NKAIN2: variants seen among roughly 807,000 people sequenced by gnomAD.
The protein encoded by NKAIN2 is sodium/potassium transporting ATPase interacting 2, also known as sodium/potassium-transporting ATPase subunit beta-1-interacting protein 2.
NKAIN2 carries 14 observed loss-of-function variants against 32.6 expected under a neutral mutation model. That is an observed-to-expected ratio of 0.43 (90% CI 0.28 to 0.67). The LOEUF (loss-of-function observed/expected upper bound fraction) is 0.67, where lower values mean the gene tolerates loss of function less well. Ranked by LOEUF, NKAIN2 falls within the 30% of genes least tolerant of loss-of-function variation. The pLI is 0.17. For synonymous variants in NKAIN2, 80 were observed against 87.2 expected (o/e 0.92, Z 0.46); for missense variants, 198 against 258.3 (o/e 0.77, Z 1.60).
At chr6:124,285,006 G>T (rs192563085) in intron 2 of NKAIN2, among the ~76,000 whole-genome samples, 2 of 152,188 alleles carry the variant, frequency 1.3e-5, no homozygotes, top group Admixed American at 6.5e-5. Flanking sequence ...ACTTTCTCTG[G>T]CATGGGATAA....
intron 5 of NKAIN2, among the ~76,000 whole-genome samples, chr6:124,806,265 A>G (rs562095240): frequency 2.0e-4 from 30 of 152,252 alleles, no homozygotes; most frequent in Non-Finnish European, 3.7e-4. Flanking sequence ...CACAAAGGGA[A>G]GCCCATCAGA....
chr6:124,539,116 G>A (rs182562196), intron 3 of NKAIN2, among the ~76,000 whole-genome samples: 123 of 152,194 alleles, frequency 8.1e-4, no homozygotes, highest in African/African-American at 2.6e-3. Context: ...TTGACACTAA[G>A]TAGAGATTCA....
At chr6:124,263,370 A>C (rs1794337075) in intron 1 of NKAIN2, among the ~76,000 whole-genome samples, 1 of 152,210 alleles carries the variant, frequency 6.6e-6, no homozygotes. Context: ...TGAAGCAACC[A>C]CAGGGCATCC....
At chr6:124,344,760 C>T (rs1219609948) in intron 2 of NKAIN2, among the ~76,000 whole-genome samples, 1 of 152,144 alleles carries the variant, frequency 6.6e-6, no homozygotes, top group African/African-American at 2.4e-5. Flanking sequence ...TCTAGATATA[C>T]AATGATGTCA....
intron 3 of NKAIN2, among the ~76,000 whole-genome samples, chr6:124,616,463 T>G: frequency 5.8e-5 from 1 of 17,218 alleles, no homozygotes; most frequent in African/African-American, 1.4e-4. Context: ...TTTTTTTTTT[T>G]TTTTTTTTTT....
At chr6:124,419,432 C>T (rs1456016104) in intron 3 of NKAIN2, among the ~76,000 whole-genome samples, 2 of 152,062 alleles carry the variant, frequency 1.3e-5, no homozygotes, top group Non-Finnish European at 2.9e-5. Flanking sequence ...GGACTTCGTT[C>T]CTTGTAGTTT....
Position 123,903,683 on chromosome 6 carries a change from A to G in NKAIN2, c.54+99429A>G, listed in dbSNP as rs566340669. Among the ~76,000 whole-genome samples the G allele has an allele frequency of 2.0e-4, 31 of 152,302 alleles. No individual in the cohort carries two copies. The South Asian group carries it at 6.2e-3, about 31-fold the overall frequency. On this transcript the variant is annotated intron_variant, in intron 1 of 6. Coordinates refer to ENST00000368417, the MANE Select transcript of NKAIN2 (RefSeq NM_001040214.3). ...TTGTCAGGTGTACAGTAAGTTTTCA[A>G]GATAGGATTTGTAAGGTAGACCTAA...
chr6:124,492,206 T>C (rs1333950331), intron 3 of NKAIN2, among the ~76,000 whole-genome samples: 1 of 152,072 alleles, frequency 6.6e-6, no homozygotes. Context: ...TCTAAAGATA[T>C]TCGTTTGAAG....
At chr6:124,530,067 A>G (rs550749117) in intron 3 of NKAIN2, among the ~76,000 whole-genome samples, 1 of 152,202 alleles carries the variant, frequency 6.6e-6, no homozygotes, top group Non-Finnish European at 1.5e-5. Context: ...AGTTCTTCAG[A>G]GAACCAGAAC....
chr6:124,544,067 T>C (rs151168035), intron 3 of NKAIN2, among the ~76,000 whole-genome samples: 1 of 152,052 alleles, frequency 6.6e-6, no homozygotes, highest in Non-Finnish European at 1.5e-5. Flanking sequence ...CTCCTAAAGG[T>C]TAATAGTTCT....
At chr6:124,673,518 A>G (rs1773204000) in intron 4 of NKAIN2, among the ~76,000 whole-genome samples, 1 of 152,114 alleles carries the variant, frequency 6.6e-6, no homozygotes, top group African/African-American at 2.4e-5. Context: ...CAGTTTCTCC[A>G]CATCGTTGTC....
At chr6:124,241,520 G>A (rs1408303580) in intron 1 of NKAIN2, among the ~76,000 whole-genome samples, 1 of 152,110 alleles carries the variant, frequency 6.6e-6, no homozygotes, top group Non-Finnish European at 1.5e-5. Context: ...AACCAAAACA[G>A]CATGCTACTG....
chr6:123,984,470 A>G (rs1166959895), intron 1 of NKAIN2, among the ~76,000 whole-genome samples: 1 of 152,200 alleles, frequency 6.6e-6, no homozygotes, highest in Non-Finnish European at 1.5e-5. Context: ...CAGTAATATC[A>G]AAACAGTATA....
At chr6:124,682,925 A>C (rs1773691380) in intron 4 of NKAIN2, among the ~76,000 whole-genome samples, 1 of 152,148 alleles carries the variant, frequency 6.6e-6, no homozygotes, top group Admixed American at 6.5e-5. Context: ...CTGACGAGGA[A>C]GTGGCTCCCA....
chr6:124,366,213 G>T (rs190229957), intron 3 of NKAIN2, among the ~76,000 whole-genome samples: 20 of 151,936 alleles, frequency 1.3e-4, no homozygotes, highest in Admixed American at 1.2e-3. Context: ...TAAAATTGAG[G>T]GGATCCTTAT....
At chr6:124,027,379 G>T (rs927722976) in intron 1 of NKAIN2, among the ~76,000 whole-genome samples, 1 of 152,056 alleles carries the variant, frequency 6.6e-6, no homozygotes, top group African/African-American at 2.4e-5. Flanking sequence ...GACCTCAGGT[G>T]ATCTGCCCGC....
intron 3 of NKAIN2, among the ~76,000 whole-genome samples, chr6:124,582,053 TA>T (rs1021573178): frequency 6.9e-6 from 1 of 143,948 alleles, no homozygotes; most frequent in Admixed American, 6.9e-5. Flanking sequence ...GAGAAGACAA[TA>T]AAAAAAGTCA....
At chr6:124,237,946 G>A (rs889022733) in intron 1 of NKAIN2, among the ~76,000 whole-genome samples, 1 of 152,078 alleles carries the variant, frequency 6.6e-6, no homozygotes, top group Non-Finnish European at 1.5e-5. Context: ...TGTCATGAGG[G>A]CATCCATAAG....
chr6:124,524,872 G>C (rs1562237585), intron 3 of NKAIN2, among the ~76,000 whole-genome samples: 1 of 152,140 alleles, frequency 6.6e-6, no homozygotes, highest in Non-Finnish European at 1.5e-5. Flanking sequence ...GTAGGTGTAA[G>C]ATGTAAAGGA....
Sources: gnomAD v4.1 joint callset for allele counts (sites outside exome capture counted in the v4.1 genomes callset) on GRCh38, gnomAD v4.1.1 for gene constraint, MANE v1.5 for transcripts, NCBI Gene and HGNC (gene_info 2026-07-23, HGNC 2026-07-21) for gene names.